RPS6KC1: variants seen among roughly 807,000 people sequenced by gnomAD.
RPS6KC1 encodes the protein ribosomal protein S6 kinase C1, also known as inactive ribosomal protein S6 kinase delta-1.
Under a neutral mutation model 103.8 loss-of-function variants are expected in RPS6KC1, and 54 were observed. That is an observed-to-expected ratio of 0.52 (90% CI 0.42 to 0.65). The LOEUF (loss-of-function observed/expected upper bound fraction) is 0.65. Ranked by LOEUF, RPS6KC1 falls within the 30% of genes least tolerant of loss-of-function variation. The pLI is 0.00. For missense variants in RPS6KC1, 1,151 were observed against 1,253.8 expected, an observed-to-expected ratio of 0.92 and a Z score of 1.24; for synonymous variants, 439 against 438.7, an observed-to-expected ratio of 1.00 and a Z score of -0.01.
At chr1:213,178,739 G>C (rs1423608729) in intron 8 of RPS6KC1, among the ~76,000 whole-genome samples, 1 of 151,638 alleles carries the variant, frequency 6.6e-6, no homozygotes, top group African/African-American at 2.4e-5. Flanking sequence ...TTAATTGACA[G>C]AATCTCATTC....
At chr1:213,102,870 C>G (rs538607407) in intron 3 of RPS6KC1, among the ~76,000 whole-genome samples, 23 of 152,200 alleles carry the variant, frequency 1.5e-4, no homozygotes, top group East Asian at 1.4e-3. Context: ...ATCCATGAAC[C>G]ATTGCCTAAG....
intron 8 of RPS6KC1, among the ~76,000 whole-genome samples, chr1:213,210,976 A>G (rs1009717102): frequency 2.0e-5 from 3 of 152,236 alleles, no homozygotes; most frequent in African/African-American, 7.2e-5. Flanking sequence ...GGTGCTTTTT[A>G]GGGACTTATT....
chr1:213,359,515 G>A, the RPS6KC1 span, among the ~76,000 whole-genome samples: 1 of 152,138 alleles, frequency 6.6e-6, no homozygotes, highest in Admixed American at 6.5e-5. Context: ...TATCCAATTT[G>A]CCAGTCTGTG....
intron 3 of RPS6KC1, among the ~76,000 whole-genome samples, chr1:213,091,549 CA>C (rs894179795): frequency 2.0e-5 from 3 of 152,234 alleles, no homozygotes; most frequent in Admixed American, 6.5e-5. Context: ...TTTACCTGGG[CA>C]TGAGTTTGTA....
At chr1:213,374,885 G>A in the RPS6KC1 span, among the ~76,000 whole-genome samples, 1 of 152,218 alleles carries the variant, frequency 6.6e-6, no homozygotes, top group African/African-American at 2.4e-5. Flanking sequence ...AGGAACGTGT[G>A]TGATGGGGAG....
At chr1:213,201,962 A>G (rs1288015551) in intron 8 of RPS6KC1, among the ~76,000 whole-genome samples, 1 of 152,116 alleles carries the variant, frequency 6.6e-6, no homozygotes, top group Non-Finnish European at 1.5e-5. Flanking sequence ...GGTGGTTTTT[A>G]GTTTGCTTGG....
intron 3 of RPS6KC1, among the ~76,000 whole-genome samples, chr1:213,084,445 A>G (rs1025257166): frequency 1.3e-5 from 2 of 151,988 alleles, no homozygotes; most frequent in Non-Finnish European, 2.9e-5. Context: ...ATAATTTTTT[A>G]ATGAGCTATT....
chr1:213,304,012 C>T, the RPS6KC1 span, among the ~76,000 whole-genome samples: 2 of 150,912 alleles, frequency 1.3e-5, no homozygotes, highest in Admixed American at 6.6e-5. Context: ...GAGACCATCC[C>T]GGCTAAAACG....
At chr1:213,065,894 G>A (rs574361544) in intron 1 of RPS6KC1, among the ~76,000 whole-genome samples, 9 of 152,166 alleles carry the variant, frequency 5.9e-5, no homozygotes, top group African/African-American at 9.7e-5. Flanking sequence ...GTAATAGAGT[G>A]GAAAGAGCAG....
chr1:213,060,976 G>GATTTAAT (rs2077782011), intron 1 of RPS6KC1, among the ~76,000 whole-genome samples: 1 of 151,814 alleles, frequency 6.6e-6, no homozygotes, highest in East Asian at 1.9e-4. Context: ...GGAAGTCCAA[G>GATTTAAT]ACCAAGAGGC....
the RPS6KC1 span, among the ~76,000 whole-genome samples, chr1:213,675,976 A>G: frequency 6.6e-6 from 1 of 152,210 alleles, no homozygotes; most frequent in Non-Finnish European, 1.5e-5. Context: ...TAACTCAGCT[A>G]AACCTATTAC....
At chr1:213,819,560 A>G in the RPS6KC1 span, 1 of 152,370 alleles carries the variant, frequency 6.6e-6, no homozygotes, top group Non-Finnish European at 1.5e-5. Flanking sequence ...ATGGGACCTC[A>G]GTGAGTTGAC....
chr1:213,151,020 G>A (rs1254177937), intron 6 of RPS6KC1, among the ~76,000 whole-genome samples: 37 of 145,420 alleles, frequency 2.5e-4, no homozygotes, highest in East Asian at 6.4e-4. Flanking sequence ...CCTCCCGGAC[G>A]GGGCAGCTGG....
At chr1:213,383,411 A>G in the RPS6KC1 span, among the ~76,000 whole-genome samples, 5 of 152,184 alleles carry the variant, frequency 3.3e-5, no homozygotes, top group Admixed American at 1.3e-4. Context: ...CCCAGGCAAC[A>G]TGACCTGCGT....
chr1:213,260,173 C>G (rs2094751594), intron 12 of RPS6KC1, among the ~76,000 whole-genome samples: 1 of 152,134 alleles, frequency 6.6e-6, no homozygotes, highest in African/African-American at 2.4e-5. Flanking sequence ...GTTCTAAGAA[C>G]GTTAGGAGAC....
intron 8 of RPS6KC1, chr1:213,205,368 G>T: frequency 1.0e-6 from 1 of 984,848 alleles, no homozygotes; most frequent in Non-Finnish European, 1.2e-6. Context: ...ATCAGTCATT[G>T]TGATGTGAAG....
At chr1:213,562,999 A>C in the RPS6KC1 span, among the ~76,000 whole-genome samples, 1 of 152,122 alleles carries the variant, frequency 6.6e-6, no homozygotes, top group Admixed American at 6.5e-5. Flanking sequence ...AAGTTTGTTA[A>C]TGGTGTTGTT....
At chr1:213,792,316 C>T in the RPS6KC1 span, among the ~76,000 whole-genome samples, 1 of 152,180 alleles carries the variant, frequency 6.6e-6, no homozygotes, top group African/African-American at 2.4e-5. Flanking sequence ...AGCACTGGAG[C>T]TCAAAATGAG....
chr1:213,188,933 TA>T (rs2092645266), intron 8 of RPS6KC1, among the ~76,000 whole-genome samples: 1 of 151,466 alleles, frequency 6.6e-6, no homozygotes, highest in Admixed American at 6.6e-5. Context: ...CAAAAAAGAG[TA>T]AGGTGGGAGA....
Sources: allele counts gnomAD v4.1 joint callset (sites outside exome capture counted in the v4.1 genomes callset), GRCh38; gene constraint gnomAD v4.1.1; transcripts MANE v1.5; gene names NCBI Gene and HGNC (gene_info 2026-07-23, HGNC 2026-07-21).